The following PTPRN2 variants were observed in gnomAD, a reference collection of about 807,000 sequenced individuals.
PTPRN2 encodes protein tyrosine phosphatase receptor type N2.
Under a neutral mutation model 118.8 loss-of-function variants are expected in PTPRN2, and 74 were observed. That is an observed-to-expected ratio of 0.62 (90% confidence interval 0.52 to 0.76). PTPRN2 has a LOEUF of 0.76. PTPRN2 is among the 30% of genes least tolerant of loss of function. The probability of loss-of-function intolerance (pLI) is 0.00; values close to 1 mark genes in which losing one functional copy is unlikely to be tolerated. For missense variants in PTPRN2, 1,481 were observed against 1,394.4 expected, an observed-to-expected ratio of 1.06 and a Z score of -0.99; for synonymous variants, 641 against 608.0, an observed-to-expected ratio of 1.05 and a Z score of -0.80.
Position 158,387,644 on chromosome 7 carries a change from G to A in PTPRN2, c.164-70712C>T, listed in dbSNP as rs541467080. On this transcript the variant is annotated intron_variant, in intron 2 of 22. Transcript: ENST00000389418. Reference sequence around the variant, plus strand: ...AGCTGCTGTGAGGCCCTGGGAAGACGCGGTGGCCACCACCATCTGCTGAAT... The same window carrying A: ...AGCTGCTGTGAGGCCCTGGGAAGACACGGTGGCCACCACCATCTGCTGAAT... Among the ~76,000 whole-genome samples the A allele has an allele frequency of 1.1e-3, 45 of 40,198 alleles. No homozygotes were observed. The Admixed American group carries it at 0.015, about 13-fold the overall frequency. The allele number at this position is 40,198 out of a possible 152,430, so 26.4% of individuals were successfully genotyped here.
At chr7:157,593,046 G>A (rs1413086014) in intron 17 of PTPRN2, among the ~76,000 whole-genome samples, 1 of 147,734 alleles carries the variant, frequency 6.8e-6, no homozygotes, top group African/African-American at 2.5e-5. Flanking sequence ...TGAATGGAGG[G>A]TGGATGTGGG....
At chr7:158,334,052 G>A (rs375827191) in intron 2 of PTPRN2, among the ~76,000 whole-genome samples, 1 of 27,244 alleles carries the variant, frequency 3.7e-5, no homozygotes, top group African/African-American at 1.2e-4. Flanking sequence ...CATAAGAGCT[G>A]ACGCCCGCAG....
At chr7:157,783,903 T>G (rs575229847) in intron 12 of PTPRN2, among the ~76,000 whole-genome samples, 1 of 152,236 alleles carries the variant, frequency 6.6e-6, no homozygotes, top group Non-Finnish European at 1.5e-5. Context: ...AAGGCAGGTG[T>G]CTTTCCAGAG....
intron 11 of PTPRN2, among the ~76,000 whole-genome samples, chr7:157,948,116 T>C (rs1208808474): frequency 6.6e-6 from 1 of 152,192 alleles, no homozygotes; most frequent in Non-Finnish European, 1.5e-5. Flanking sequence ...CCAGAAGCCA[T>C]ACAAGAAAAT....
intron 13 of PTPRN2, among the ~76,000 whole-genome samples, chr7:157,664,652 G>T (rs1241430949): frequency 2.6e-5 from 4 of 151,990 alleles, no homozygotes; most frequent in African/African-American, 7.3e-5. Context: ...CCAGCTACTT[G>T]AGAGGCCGAG....
chr7:157,670,173 T>A (rs892107285), intron 13 of PTPRN2, among the ~76,000 whole-genome samples: 2 of 152,134 alleles, frequency 1.3e-5, no homozygotes, highest in Admixed American at 6.5e-5. Flanking sequence ...GGGCTGTGTT[T>A]GAATCTCCTG....
At chr7:158,446,911 G>A (rs973079814) in intron 2 of PTPRN2, among the ~76,000 whole-genome samples, 7 of 152,152 alleles carry the variant, frequency 4.6e-5, no homozygotes, top group African/African-American at 1.7e-4. Context: ...CCTAGCTCCT[G>A]TTCCCACGGC....
intron 3 of PTPRN2, among the ~76,000 whole-genome samples, chr7:158,311,683 T>C (rs1801746841): frequency 6.6e-6 from 1 of 152,268 alleles, no homozygotes; most frequent in African/African-American, 2.4e-5. Flanking sequence ...ATCTGACAAC[T>C]GCACCTGCAA....
At chr7:157,815,275 G>A (rs1215780592) in intron 12 of PTPRN2, among the ~76,000 whole-genome samples, 1 of 152,248 alleles carries the variant, frequency 6.6e-6, no homozygotes, top group East Asian at 1.9e-4. Flanking sequence ...TGCACCTCCT[G>A]AGGGCTGGGC....
In PTPRN2 at chr7:157,610,038, T is replaced by A. The variant is rs535749954; in HGVS notation, c.2345-5963A>T. The stretch of plus-strand genomic sequence containing the variant: ...GTGGAAGACTCCTCTGCCCGGAACA[T>A]CGTCTTGCTACACAGATCCCTGAGG... On this transcript the variant is annotated intron_variant, in intron 15 of 22. Transcript: ENST00000389418. The surrounding 1 kb of genome is among the most constrained non-coding windows in gnomAD (Gnocchi z 5.1). Among the ~76,000 whole-genome samples the A allele has an allele frequency of 6.6e-6, 1 of 152,252 alleles. No homozygotes were observed. The highest frequency in any genetic ancestry group is 2.1e-4 in the South Asian group (1 of 4,824).
chr7:158,561,213 G>A (rs1827360717), intron 1 of PTPRN2, among the ~76,000 whole-genome samples: 2 of 152,200 alleles, frequency 1.3e-5, no homozygotes, highest in African/African-American at 4.8e-5. Context: ...AATTTCCAAT[G>A]ATTCTAGAAG....
chr7:158,587,631 CAGCAGT>C lies in PTPRN2; in HGVS notation c.33_38del (p.Leu14_Leu15del). On this transcript the variant is annotated inframe_deletion, in exon 1 of 23. Coordinates refer to ENST00000389418, the MANE Select transcript of PTPRN2 (RefSeq NM_002847.5). ...CAGGCAGGACGCGTGGCGGCAGCAG[CAGCAGT>C]AGCAGCAGCAGCAGCGGGAGCGGCG... is the stretch of plus-strand genomic sequence containing the variant. 1 of 1,367,982 alleles carries C rather than the reference CAGCAGT, an allele frequency of 7.3e-7. No homozygotes were observed. Among genetic ancestry groups the C allele is most frequent in the Non-Finnish European group, 9.4e-7 (1 of 1,063,968 alleles). The allele number at this position is 1,367,982 out of a possible 1,614,324, so 84.7% of individuals were successfully genotyped here. A position where few individuals can be genotyped will look rare whatever the true frequency, so the allele number is the denominator to read the frequency against.
At chr7:157,897,376 C>G (rs2128751023) in intron 12 of PTPRN2, among the ~76,000 whole-genome samples, 1 of 152,290 alleles carries the variant, frequency 6.6e-6, no homozygotes, top group East Asian at 1.9e-4. Flanking sequence ...ATGCAGGTGG[C>G]TCTCGGCAGC....
chr7:158,045,973 G>A, intron 11 of PTPRN2, among the ~76,000 whole-genome samples: 1 of 146,544 alleles, frequency 6.8e-6, no homozygotes. Flanking sequence ...ACACTGCCTT[G>A]TTCTGTCCAG....
At position 157,893,317 on chromosome 7, in the gene PTPRN2, G is replaced by A. The variant is rs145512434; in HGVS notation, c.1788+5356C>T. ...GAGAGGACACAGGTTGGATGTGGATGGAAGCAGAGGTGTGGTGCTGTGCAG... is the reference window on the plus strand; with the variant it reads ...GAGAGGACACAGGTTGGATGTGGATAGAAGCAGAGGTGTGGTGCTGTGCAG... On this transcript the variant is annotated intron_variant, in intron 12 of 22. Coordinates refer to ENST00000389418, the MANE Select transcript of PTPRN2 (RefSeq NM_002847.5). This position sits in a 1 kb window ranked among gnomAD's most constrained non-coding sequence, Gnocchi z 4.0. Among the ~76,000 whole-genome samples the A allele has an allele frequency of 0.01, 1,585 of 152,328 alleles. 12 individuals are homozygous for A. The highest frequency in any genetic ancestry group is 0.017 in the Non-Finnish European group (1,182 of 68,026).
intron 12 of PTPRN2, chr7:157,857,333 T>G (rs58540888): frequency 6.6e-6 from 1 of 152,350 alleles, no homozygotes; most frequent in Admixed American, 6.5e-5. Context: ...GTGCGCCTCA[T>G]GGCCACATCA....
rs75767439 is a variant in PTPRN2 at position 158,114,828 on chromosome 7, G to A, written c.1557-3913C>T. Among the ~76,000 whole-genome samples the A allele has an allele frequency of 5.1e-3, 779 of 152,256 alleles. 24 individuals are homozygous for A. In the East Asian group the frequency reaches 0.098, roughly 19 times the overall value. On this transcript the variant is annotated intron_variant, in intron 9 of 22. Transcript: ENST00000389418. ...GTGTTACTAGTCTAAGGCACAGAGC[G>A]CGAGAGGCAGACGCAGGGATGGAAA...
intron 2 of PTPRN2, among the ~76,000 whole-genome samples, chr7:158,334,375 AT>A (rs1437931800): frequency 5.9e-5 from 3 of 50,586 alleles, no homozygotes; most frequent in African/African-American, 2.6e-4. Flanking sequence ...ACGCCCGCAG[AT>A]GTCACTCACA....
chr7:158,552,570 C>A lies in PTPRN2; in HGVS notation c.112+34988G>T, dbSNP rs1289777557. ...GTTCAAGCGATTTTTCTGCCTCAGC[C>A]TCCTGAGCTAGGATTACAGGCACCC... On this transcript the variant is annotated intron_variant, in intron 1 of 22. Coordinates refer to ENST00000389418, the MANE Select transcript of PTPRN2 (RefSeq NM_002847.5). 2.6e-5 allele frequency among the ~76,000 whole-genome samples: 4 copies of A among 152,166 alleles called. No homozygotes were observed. The East Asian group carries it at 7.7e-4, about 29-fold the overall frequency.
Sources: allele counts gnomAD v4.1 joint callset (sites outside exome capture counted in the v4.1 genomes callset), GRCh38; gene constraint gnomAD v4.1.1; non-coding constraint Gnocchi (gnomAD v3.1); transcripts MANE v1.5; gene names NCBI Gene and HGNC (gene_info 2026-07-23, HGNC 2026-07-21).